NFATC2: variants seen among roughly 807,000 people sequenced by gnomAD.
NFATC2 encodes nuclear factor of activated T cells 2.
Under a neutral mutation model 87.3 loss-of-function variants are expected in NFATC2, and 22 were observed. The ratio of observed to expected loss-of-function variants is 0.25; its 90% CI spans 0.18 to 0.36. The LOEUF (loss-of-function observed/expected upper bound fraction) is 0.36, where lower values mean the gene tolerates loss of function less well. Among genes scored for constraint, NFATC2 ranks in the 10% least tolerant of loss-of-function variants. NFATC2 has a pLI of 1.00. For missense variants in NFATC2, 1,149 were observed against 1,259.1 expected, an observed-to-expected ratio of 0.91 and a Z score of 1.32; for synonymous variants, 565 against 542.2, an observed-to-expected ratio of 1.04 and a Z score of -0.58.
intron 9 of NFATC2, among the ~76,000 whole-genome samples, chr20:51,400,115 G>A (rs1987838214): frequency 6.6e-6 from 1 of 152,032 alleles, no homozygotes; most frequent in Admixed American, 6.6e-5. Flanking sequence ...CATGCTTCTG[G>A]ATTTACCCCA....
rs1347378995 is a variant in NFATC2 at position 51,432,482 on chromosome 20, G to T, written c.2307C>A (p.Ala769=). Residue 769 remains alanine (A), a synonymous_variant, in exon 9 of 11, where the codon GCC becomes GCA. Transcript: ENST00000371564. The surrounding 1 kb of genome is among the most constrained non-coding windows in gnomAD (Gnocchi z 4.6). ...CAAGGGACAGCGGGGCGGCCATGAG[G>T]GCCGGCTGCTGATAGCCCAGCAGGC... is the stretch of plus-strand genomic sequence containing the variant. ...SPSLLGYQQP[A]LMAAPLSLAD... 1.3e-6 allele frequency: 2 copies of T among 1,554,032 alleles called. No homozygotes were observed. Among genetic ancestry groups the T allele is most frequent in the Admixed American group, 3.8e-5 (2 of 52,666 alleles).
Position 51,408,471 on chromosome 20 carries a change from G to A in NFATC2, c.2723-9741C>T, listed in dbSNP as rs537012313. Among the ~76,000 whole-genome samples, 18 of 139,152 alleles carry A rather than the reference G, an allele frequency of 1.3e-4. No homozygotes were observed. In the East Asian group the frequency reaches 3.1e-3, roughly 24 times the overall value. The allele number at this position is 139,152 out of a possible 152,430, so 91.3% of individuals were successfully genotyped here. ...GTAGGTTGCAGTGAGCCGAGATCGC[G>A]CCACTGCACTCCAGCCTGGGGGACT... On this transcript the variant is annotated intron_variant, in intron 9 of 10. Coordinates refer to ENST00000371564, the MANE Select transcript of NFATC2 (RefSeq NM_012340.5).
intron 1 of NFATC2, among the ~76,000 whole-genome samples, chr20:51,561,354 A>AGG (rs2077020712): frequency 6.7e-6 from 1 of 148,728 alleles, no homozygotes; most frequent in African/African-American, 2.5e-5. Flanking sequence ...AAAGAGAGAG[A>AGG]AAGAAAAGAA....
Position 51,523,733 on chromosome 20 carries a change from C to T in NFATC2, c.508G>A (p.Ala170Thr), listed in dbSNP as rs2146723116. 1.9e-6 allele frequency: 3 copies of T among 1,611,840 alleles called. No homozygotes were observed. Among genetic ancestry groups the T allele is most frequent in the Non-Finnish European group, 2.5e-6 (3 of 1,178,772 alleles). ...AAGCTGGCAGAGGAGCCGCTGCTAG[C>T]GGGGCTCAAGCAAAGCGGCTCGCGG... Reference protein sequence around the residue: ...GYREPLCLSPASSGSSASFIS... With the variant: ...GYREPLCLSPTSSGSSASFIS... Residue 170 changes from alanine to threonine, a missense_variant, in exon 2 of 11, where the codon GCT becomes ACT. Transcript: ENST00000371564. This position sits in a 1 kb window ranked among gnomAD's most constrained non-coding sequence, Gnocchi z 6.9.
At chr20:51,447,805 C>T (rs1985263158) in intron 6 of NFATC2, among the ~76,000 whole-genome samples, 1 of 152,174 alleles carries the variant, frequency 6.6e-6, no homozygotes. Context: ...AGGAAAGACC[C>T]TGATTGTTCT....
rs763651299 is a variant in NFATC2 at position 51,475,592 on chromosome 20, G to A, written c.1401C>T (p.Ile467=). ...CCTGGTAGAAGGCGTGCGGCTTAAGGATCCGCTCATCAGCTGTCCCAATGA... is the reference window on the plus strand; with the variant it reads ...CCTGGTAGAAGGCGTGCGGCTTAAGAATCCGCTCATCAGCTGTCCCAATGA... The part of the protein sequence containing the change: ...QIFIGTADER[I]LKPHAFYQVH... Residue 467 remains isoleucine (I), a synonymous_variant, in exon 4 of 11, where the codon ATC becomes ATT. Transcript: ENST00000371564. 1.2e-6 allele frequency: 2 copies of A among 1,614,140 alleles called. No homozygotes were observed. Among genetic ancestry groups the A allele is most frequent in the Non-Finnish European group, 1.7e-6 (2 of 1,180,030 alleles).
In NFATC2 at chr20:51,516,866, T is replaced by C; in HGVS notation, c.1250A>G (p.Lys417Arg). Residue 417 changes from lysine to arginine, a missense_variant, in exon 3 of 11, where the codon AAG (lysine) becomes AGG (arginine). By Grantham distance (26) the Lys-to-Arg change is conservative. Transcript: ENST00000371564. ...CTCATAGTGGGCCCGGTGATGTGGC[T>C]TGGGCTGCACCTCGATCCGCAGCTC... ...SYELRIEVQP[K>R]PHHRAHYETE... 11 of 1,614,200 alleles carry C rather than the reference T, an allele frequency of 6.8e-6. No homozygotes were observed. The highest frequency in any genetic ancestry group is 9.3e-6 in the Non-Finnish European group (11 of 1,180,032).
Position 51,437,957 on chromosome 20 carries a change from T to C in NFATC2, c.1850-2196A>G, listed in dbSNP as rs950328684. Among the ~76,000 whole-genome samples, 3 of 152,316 alleles carry C rather than the reference T, an allele frequency of 2.0e-5. 1 individual carries two copies. Among genetic ancestry groups the C allele is most frequent in the South Asian group, 2.1e-4 (1 of 4,826 alleles). ...GCTAACATCACCCATGCCCCCTTGA[T>C]GAGGGCAGAATACTTCGGCCCCCTG... On this transcript the variant is annotated intron_variant, in intron 6 of 10. Coordinates refer to ENST00000371564, the MANE Select transcript of NFATC2 (RefSeq NM_012340.5).
chr20:51,523,007 T>C lies in NFATC2; in HGVS notation c.1160+74A>G. ...AGTCAGTCTTAAACCTGACTCTGAA[T>C]CCCATGCTCATAACCAGAAAACCAT... On this transcript the variant is annotated intron_variant, in intron 2 of 10. Transcript: ENST00000371564. This position sits in a 1 kb window ranked among gnomAD's most constrained non-coding sequence, Gnocchi z 6.9. 3.8e-6 allele frequency: 6 copies of C among 1,585,568 alleles called. No homozygotes were observed. Among genetic ancestry groups the C allele is most frequent in the Non-Finnish European group, 5.1e-6 (6 of 1,166,956 alleles).
chr20:51,435,647 G>A, intron 7 of NFATC2, 59 bp downstream of exon 7: 2 of 1,535,216 alleles, frequency 1.3e-6, no homozygotes, highest in Non-Finnish European at 1.8e-6. Context: ...GAAGGAAAGA[G>A]CATGAAAGAG....
intron 5 of NFATC2, among the ~76,000 whole-genome samples, chr20:51,457,238 A>G (rs1360248878): frequency 6.6e-6 from 1 of 152,254 alleles, no homozygotes; most frequent in Non-Finnish European, 1.5e-5. Flanking sequence ...GCCTTTGATG[A>G]AACTGGGGAG....
intron 3 of NFATC2, among the ~76,000 whole-genome samples, chr20:51,487,472 A>T (rs1363318723): frequency 6.6e-6 from 1 of 152,252 alleles, no homozygotes; most frequent in Non-Finnish European, 1.5e-5. Flanking sequence ...CATCCGGCAC[A>T]TGTATCCCGG....
At chr20:51,428,715 G>T (rs1200278427) in intron 9 of NFATC2, among the ~76,000 whole-genome samples, 1 of 152,218 alleles carries the variant, frequency 6.6e-6, no homozygotes, top group Non-Finnish European at 1.5e-5. Context: ...TTGTGCGGGG[G>T]AGGGAGGACC....
At chr20:51,424,074 G>C (rs1981385166) in intron 9 of NFATC2, among the ~76,000 whole-genome samples, 2 of 152,174 alleles carry the variant, frequency 1.3e-5, no homozygotes, top group Non-Finnish European at 1.5e-5. Context: ...AGGGAAACGA[G>C]AGATGCCCCA....
chr20:51,450,024 TA>T (rs1456321545), intron 6 of NFATC2, among the ~76,000 whole-genome samples: 1 of 152,182 alleles, frequency 6.6e-6, no homozygotes, highest in East Asian at 1.9e-4. Flanking sequence ...ATGATGATAA[TA>T]AAAGAGCTAA....
chr20:51,530,118 G>A (rs1406873941), intron 1 of NFATC2, among the ~76,000 whole-genome samples: 1 of 152,162 alleles, frequency 6.6e-6, no homozygotes, highest in Non-Finnish European at 1.5e-5. Flanking sequence ...AGAAAGAAAG[G>A]TGTCAATGGT....
rs763072499 is a variant in NFATC2 at position 51,432,030 on chromosome 20, C to G, written c.2722+37G>C. On this transcript the variant is annotated intron_variant, in intron 9 of 10. Coordinates refer to ENST00000371564, the MANE Select transcript of NFATC2 (RefSeq NM_012340.5). The surrounding 1 kb of genome is among the most constrained non-coding windows in gnomAD (Gnocchi z 4.6). ...CCTGGGCAGAGATGCTTCAGGGCAC[C>G]ATCCTTACAGGCAGTGACAAAACTC... The G allele has an allele frequency of 6.6e-7, 1 of 1,504,736 alleles. No homozygotes were observed. The highest frequency in any genetic ancestry group is 2.3e-5 in the Admixed American group (1 of 44,196). The allele number at this position is 1,504,736 out of a possible 1,614,324, so 93.2% of individuals were successfully genotyped here. A position where few individuals can be genotyped will look rare whatever the true frequency, so the allele number is the denominator to read the frequency against.
At position 51,481,433 on chromosome 20, in the gene NFATC2, C is replaced by T. The variant is rs548723369; in HGVS notation, c.1333-5773G>A. ...GGCACAGCAGACACATTCTGCAATACAGGAGCTCCACGTCACTGGCCTCCC... is the reference window on the plus strand; with the variant it reads ...GGCACAGCAGACACATTCTGCAATATAGGAGCTCCACGTCACTGGCCTCCC... On this transcript the variant is annotated intron_variant, in intron 3 of 10. Coordinates refer to ENST00000371564, the MANE Select transcript of NFATC2 (RefSeq NM_012340.5). Among the ~76,000 whole-genome samples, 4 of 152,246 alleles carry T rather than the reference C, an allele frequency of 2.6e-5. No individual in the cohort carries two copies. The East Asian group carries it at 7.7e-4, about 29-fold the overall frequency.
At chr20:51,423,315 A>AAG (rs1555874242) in intron 9 of NFATC2, among the ~76,000 whole-genome samples, 12 of 150,198 alleles carry the variant, frequency 8.0e-5, no homozygotes, top group Non-Finnish European at 1.5e-5. Flanking sequence ...AAAAAAAAAA[A>AAG]GGATTATCTT....
Sources: gnomAD v4.1 joint callset for allele counts (sites outside exome capture counted in the v4.1 genomes callset) on GRCh38, gnomAD v4.1.1 for gene constraint, Gnocchi (gnomAD v3.1) non-coding constraint, MANE v1.5 for transcripts, NCBI Gene and HGNC (gene_info 2026-07-23, HGNC 2026-07-21) for gene names.